The following SPTBN1 variants were observed in gnomAD, a reference collection of about 807,000 sequenced individuals.
The protein encoded by SPTBN1 is spectrin beta, non-erythrocytic 1, also known as spectrin beta chain, non-erythrocytic 1.
In SPTBN1, 32 loss-of-function variants were observed where a neutral mutation model predicts 266.4. That is an observed-to-expected ratio of 0.12 (90% CI 0.09 to 0.16). The LOEUF (loss-of-function observed/expected upper bound fraction) is 0.16. SPTBN1 is among the 10% of genes least tolerant of loss of function. The pLI is 1.00. For synonymous variants in SPTBN1, 1,336 were observed against 1,162.2 expected (o/e 1.15, Z -3.04); for missense variants, 2,296 against 3,067.1 (o/e 0.75, Z 5.94).
chr2:54,592,059 C>G (rs916452257), intron 2 of SPTBN1, among the ~76,000 whole-genome samples: 2 of 152,058 alleles, frequency 1.3e-5, no homozygotes, highest in African/African-American at 4.8e-5. Context: ...CCTAGTTACT[C>G]TGGAGGTTGA....
At chr2:54,613,614 C>G (rs1409329924) in intron 4 of SPTBN1, among the ~76,000 whole-genome samples, 1 of 152,338 alleles carries the variant, frequency 6.6e-6, no homozygotes, top group African/African-American at 2.4e-5. Context: ...GGGCCCAGCC[C>G]TAGTAGTTCT....
chr2:54,578,670 A>C (rs1558862464), intron 2 of SPTBN1, among the ~76,000 whole-genome samples: 1 of 152,038 alleles, frequency 6.6e-6, no homozygotes, highest in Non-Finnish European at 1.5e-5. Flanking sequence ...CAGTGAGGCA[A>C]GTTATTTATA....
At chr2:54,515,753 A>C (rs939802444) in intron 1 of SPTBN1, 1 of 152,160 alleles carries the variant, frequency 6.6e-6, no homozygotes, top group Admixed American at 6.6e-5. Flanking sequence ...TCTCGAACTC[A>C]TGGCCTCAAA....
intron 34 of SPTBN1, among the ~76,000 whole-genome samples, chr2:54,667,198 A>G (rs1182898862): frequency 6.6e-6 from 1 of 152,218 alleles, no homozygotes; most frequent in East Asian, 1.9e-4. Context: ...ACTCTGGAAC[A>G]TGTGAATGTA....
At chr2:54,625,173 A>G (rs1181270349) in intron 11 of SPTBN1, among the ~76,000 whole-genome samples, 1 of 152,234 alleles carries the variant, frequency 6.6e-6, no homozygotes, top group Non-Finnish European at 1.5e-5. Flanking sequence ...ATTTGGAAGC[A>G]GCTCAAGCAG....
In SPTBN1 at chr2:54,612,291, G is replaced by A; in HGVS notation, c.431G>A (p.Arg144Gln). 1.2e-6 allele frequency: 2 copies of A among 1,613,964 alleles called. No homozygotes were observed. Among genetic ancestry groups the A allele is most frequent in the Non-Finnish European group, 1.7e-6 (2 of 1,179,856 alleles). The change falls in exon 4 of 36, where the codon CGG becomes CAG. Residue 144 changes from arginine (R) to glutamine (Q), a missense_variant. By Grantham distance (43) the Arg-to-Gln change is conservative (BLOSUM62 1). Around this residue, in one of 12 missense-constraint regions of SPTBN1, gnomAD observed 178 missense variants for 375.7 expected, o/e 0.47. Coordinates refer to ENST00000356805, the MANE Select transcript of SPTBN1 (RefSeq NM_003128.3). ...CATGACATCGTGGATGGAAACCACC[G>A]GCTGACCCTTGGCCTCATCTGGACC... ...GSHDIVDGNH[R>Q]LTLGLIWTII...
chr2:54,580,598 AC>A (rs1674827032), intron 2 of SPTBN1, among the ~76,000 whole-genome samples: 2 of 137,192 alleles, frequency 1.5e-5, no homozygotes, highest in African/African-American at 3.1e-5. Context: ...TCACACTTTA[AC>A]CAAAAAAAAA....
chr2:54,511,737 C>T (rs971844328), intron 1 of SPTBN1, among the ~76,000 whole-genome samples: 1 of 151,872 alleles, frequency 6.6e-6, no homozygotes, highest in Non-Finnish European at 1.5e-5. Flanking sequence ...GGTGGTGGCG[C>T]ATGTCTGCAA....
intron 1 of SPTBN1, among the ~76,000 whole-genome samples, chr2:54,495,173 G>T (rs893639380): frequency 1.3e-5 from 2 of 152,128 alleles, no homozygotes; most frequent in Non-Finnish European, 1.5e-5. Flanking sequence ...GAGGTTGCAG[G>T]TGTGTGGCAG....
chr2:54,560,570 A>T (rs1281958312), intron 2 of SPTBN1, among the ~76,000 whole-genome samples: 1 of 152,134 alleles, frequency 6.6e-6, no homozygotes, highest in African/African-American at 2.4e-5. Flanking sequence ...AAAAAAAATC[A>T]TGTGCCCCTG....
At chr2:54,526,904 T>G (rs1048724440) in intron 2 of SPTBN1, 1 of 188,038 alleles carries the variant, frequency 5.3e-6, no homozygotes, top group African/African-American at 2.3e-5. Context: ...AATATACAAA[T>G]TAACCTGTGT....
Position 54,631,195 on chromosome 2 carries a change from A to G in SPTBN1, c.3148A>G (p.Thr1050Ala), listed in dbSNP as rs773978444. The G allele has an allele frequency of 1.7e-5, 27 of 1,614,120 alleles. No homozygotes were observed. The highest frequency in any genetic ancestry group is 2.3e-5 in the Non-Finnish European group (27 of 1,180,000). ...ISDVWEEMKT[T>A]LKNREASLGE... ...CGACGTGTGGGAGGAGATGAAGACC[A>G]CCCTGAAAAACCGAGAGGCCTCCCT... Residue 1050 changes from threonine (T) to alanine (A), a missense_variant, in exon 16 of 36, where the codon ACC becomes GCC. Around this residue, in one of 12 missense-constraint regions of SPTBN1, gnomAD observed 128 missense variants for 176.5 expected, o/e 0.73. Transcript: ENST00000356805.
chr2:54,660,871 G>T, intron 32 of SPTBN1: 1 of 985,378 alleles, frequency 1.0e-6, no homozygotes, highest in Non-Finnish European at 1.2e-6. Context: ...GGTGACAGCC[G>T]TTCTCAGCAT....
intron 18 of SPTBN1, among the ~76,000 whole-genome samples, chr2:54,638,224 CAAAG>C (rs1679284500): frequency 6.6e-6 from 1 of 152,144 alleles, no homozygotes; most frequent in Admixed American, 6.5e-5. Context: ...TTTCTGTCGT[CAAAG>C]GAAGTTGTAT....
At chr2:54,545,836 T>A (rs1672206094) in intron 2 of SPTBN1, among the ~76,000 whole-genome samples, 1 of 152,144 alleles carries the variant, frequency 6.6e-6, no homozygotes, top group South Asian at 2.1e-4. Context: ...CTTAGGGAGT[T>A]AGCATGCTAA....
intron 2 of SPTBN1, among the ~76,000 whole-genome samples, chr2:54,543,585 A>G (rs185678288): frequency 5.3e-5 from 8 of 152,058 alleles, no homozygotes; most frequent in African/African-American, 1.9e-4. Context: ...AGCACCAAAA[A>G]ATACTTGTTT....
At chr2:54,494,917 TA>T (rs66814543) in intron 1 of SPTBN1, among the ~76,000 whole-genome samples, 64,825 of 139,628 alleles carry the variant, frequency 0.46, 14,237 homozygotes, top group South Asian at 0.48. Flanking sequence ...TGTTTTTTTT[TA>T]AAAAAAAAAA....
intron 3 of SPTBN1, among the ~76,000 whole-genome samples, chr2:54,611,573 T>C (rs1032602050): frequency 7.9e-5 from 12 of 152,292 alleles, no homozygotes; most frequent in South Asian, 2.1e-4. Flanking sequence ...AAGAAACATT[T>C]GGGGTATTTA....
At chr2:54,564,922 T>A (rs1573425120) in intron 2 of SPTBN1, among the ~76,000 whole-genome samples, 1 of 152,188 alleles carries the variant, frequency 6.6e-6, no homozygotes, top group Non-Finnish European at 1.5e-5. Context: ...GTCTTACACA[T>A]ACAAGCCGCT....
Sources: gnomAD v4.1 joint callset for allele counts (sites outside exome capture counted in the v4.1 genomes callset) on GRCh38, gnomAD v4.1.1 for gene constraint, gnomAD v4.1.1 regional missense constraint, MANE v1.5 for transcripts, NCBI Gene and HGNC (gene_info 2026-07-23, HGNC 2026-07-21) for gene names.